The following CFAP107 variants were observed in gnomAD, a reference collection of about 807,000 sequenced individuals.
CFAP107 encodes cilia and flagella associated protein 107.
At chr1:12,761,449 A>T in the CFAP107 span, 1 of 152,752 alleles carries the variant, frequency 6.5e-6, no homozygotes, top group Admixed American at 6.5e-5. Flanking sequence ...AGGCAGAGGA[A>T]GGCGTGCTCT....
At chr1:12,760,714 T>C in the CFAP107 span, 1 of 1,550,662 alleles carries the variant, frequency 6.4e-7, no homozygotes. Flanking sequence ...ATTGGCCATT[T>C]AGAGCAAGAC....
the CFAP107 span, chr1:12,759,687 G>A: frequency 1.5e-6 from 1 of 676,654 alleles, no homozygotes; most frequent in South Asian, 1.7e-5. Context: ...GGGTAATCTT[G>A]GCTGTGTAAT....
the CFAP107 span, among the ~76,000 whole-genome samples, chr1:12,753,019 G>A: frequency 6.6e-6 from 1 of 152,236 alleles, no homozygotes; most frequent in Admixed American, 6.5e-5. Flanking sequence ...CAAACTGTTA[G>A]AACTAATAAA....
the CFAP107 span, among the ~76,000 whole-genome samples, chr1:12,752,576 A>AAG: frequency 6.7e-6 from 1 of 149,444 alleles, no homozygotes; most frequent in African/African-American, 2.4e-5. Flanking sequence ...AAAAAAAAAA[A>AAG]AAAAAATTAA....
At chr1:12,746,444 C>T in the CFAP107 span, 9 of 1,613,016 alleles carry the variant, frequency 5.6e-6, no homozygotes, top group Non-Finnish European at 7.6e-6. Flanking sequence ...TTTTTGACTG[C>T]AGTAAATCCA....
chr1:12,759,607 C>T, the CFAP107 span: 333 of 1,145,980 alleles, frequency 2.9e-4, 3 homozygotes, highest in African/African-American at 4.4e-3. Flanking sequence ...AGGAGAGCAG[C>T]GGATGACATA....
At chr1:12,748,364 G>A in the CFAP107 span, among the ~76,000 whole-genome samples, 2 of 151,720 alleles carry the variant, frequency 1.3e-5, no homozygotes, top group Non-Finnish European at 2.9e-5. Flanking sequence ...TATGGATAGA[G>A]GAATACAATA....
the CFAP107 span, among the ~76,000 whole-genome samples, chr1:12,757,982 T>C: frequency 3.9e-5 from 6 of 152,232 alleles, 1 homozygote; most frequent in South Asian, 2.1e-4. Flanking sequence ...TAGTGGACAC[T>C]AGAGACCTCC....
At chr1:12,748,859 A>G in the CFAP107 span, among the ~76,000 whole-genome samples, 1 of 152,258 alleles carries the variant, frequency 6.6e-6, no homozygotes, top group Non-Finnish European at 1.5e-5. Flanking sequence ...AAATGAGAAT[A>G]TTAAAAAGGA....
chr1:12,755,655 G>A, the CFAP107 span: 1 of 1,339,460 alleles, frequency 7.5e-7, no homozygotes, highest in Non-Finnish European at 1.1e-6. Flanking sequence ...AGAAGTTTGA[G>A]AAGTGGCATC....
At chr1:12,751,979 A>G in the CFAP107 span, among the ~76,000 whole-genome samples, 4 of 152,212 alleles carry the variant, frequency 2.6e-5, no homozygotes, top group Non-Finnish European at 5.9e-5. Context: ...AAATCTCCCA[A>G]CAAAGGAAAG....
chr1:12,754,913 T>C, the CFAP107 span, among the ~76,000 whole-genome samples: 1 of 152,200 alleles, frequency 6.6e-6, no homozygotes, highest in African/African-American at 2.4e-5. Context: ...GCAATGTAAG[T>C]AAAGTTCTAG....
chr1:12,759,641 C>A, the CFAP107 span: 1 of 838,268 alleles, frequency 1.2e-6, no homozygotes, highest in Non-Finnish European at 2.0e-6. Flanking sequence ...TCTATTGTAC[C>A]CTCAGGGCTG....
the CFAP107 span, among the ~76,000 whole-genome samples, chr1:12,755,231 G>GC: frequency 6.6e-6 from 1 of 152,018 alleles, no homozygotes; most frequent in African/African-American, 2.4e-5. Context: ...ATGGCAAAAC[G>GC]CCCTCTCTTC....
chr1:12,759,605 A>C, the CFAP107 span: 1 of 1,163,270 alleles, frequency 8.6e-7, no homozygotes. Flanking sequence ...CCAGGAGAGC[A>C]GCGGATGACA....
the CFAP107 span, among the ~76,000 whole-genome samples, chr1:12,757,333 TTCTTTTCTTTTC>T: frequency 3.7e-3 from 314 of 83,754 alleles, 2 homozygotes; most frequent in African/African-American, 0.014. Context: ...TTTTTTTCTT[TTCTTTTCTTTTC>T]TCTTTTCTTT....
chr1:12,753,192 C>T, the CFAP107 span, among the ~76,000 whole-genome samples: 14 of 152,164 alleles, frequency 9.2e-5, no homozygotes, highest in African/African-American at 3.1e-4. Context: ...TTGAACACTA[C>T]AAAACACTGC....
At chr1:12,755,809 T>C in the CFAP107 span, 1 of 1,610,430 alleles carries the variant, frequency 6.2e-7, no homozygotes, top group Non-Finnish European at 8.5e-7. Flanking sequence ...AAGAGGAAAG[T>C]TGAGGTAAGA....
At chr1:12,754,646 G>A in the CFAP107 span, among the ~76,000 whole-genome samples, 4 of 152,338 alleles carry the variant, frequency 2.6e-5, no homozygotes, top group Admixed American at 2.6e-4. Flanking sequence ...AAAACATGGT[G>A]TAAGTGTATC....
Sources: allele counts gnomAD v4.1 joint callset (sites outside exome capture counted in the v4.1 genomes callset), GRCh38; gene constraint gnomAD v4.1.1; transcripts MANE v1.5; gene names NCBI Gene and HGNC (gene_info 2026-07-23, HGNC 2026-07-21).